SLC49A3: variants seen among roughly 807,000 people sequenced by gnomAD.
The protein encoded by SLC49A3 is solute carrier family 49 member A3.
A neutral mutation model predicts 43.8 loss-of-function variants in SLC49A3; 50 were observed. That is an observed-to-expected ratio of 1.14 (90% CI 0.91 to 1.45). The LOEUF is 1.45. SLC49A3 is among the 40% of genes most tolerant of loss of function. The pLI is 0.00. For synonymous variants in SLC49A3, 413 were observed against 352.0 expected, an observed-to-expected ratio of 1.17 and a Z score of -1.94; for missense variants, 906 against 774.1, an observed-to-expected ratio of 1.17 and a Z score of -2.02.
rs751534940 is a variant in SLC49A3, at chr4:686,619, G to A, written c.207C>T (p.Asn69=). The A allele has an allele frequency of 6.2e-7, 1 of 1,613,392 alleles. No homozygotes were observed. The highest frequency in any genetic ancestry group is 1.1e-5 in the South Asian group (1 of 91,086). ...CCACGAGGTAGACCAGTGACAGCCA[G>A]TTGATCTGCTCCATGGACAGGACCA... ...EDLVLSMEQI[N]WLSLVYLVVS... The change falls in exon 2 of 10, where the codon AAC becomes AAT. Residue 69 remains asparagine (N), a synonymous_variant. Coordinates refer to ENST00000322224, the MANE Select transcript of SLC49A3 (RefSeq NM_032219.4).
chr4:680,906 C>T (rs1291329608), downstream of SLC49A3: 2 of 694,450 alleles, frequency 2.9e-6, no homozygotes, highest in Non-Finnish European at 4.8e-6. Context: ...CCATCAGCGG[C>T]TCCCCCAGAA....
chr4:677,740 G>A (rs2109325789), downstream of SLC49A3, among the ~76,000 whole-genome samples: 1 of 152,282 alleles, frequency 6.6e-6, no homozygotes, highest in South Asian at 2.1e-4. Flanking sequence ...ATCCTTGGGA[G>A]AACAAAGCCT....
chr4:685,450 A>G lies in SLC49A3; in HGVS notation c.585+385T>C, dbSNP rs957374979. Among the ~76,000 whole-genome samples the G allele has an allele frequency of 6.6e-6, 1 of 151,972 alleles. No individual in the cohort carries two copies. Among genetic ancestry groups the G allele is most frequent in the Admixed American group, 6.6e-5 (1 of 15,250 alleles). The stretch of plus-strand genomic sequence containing the variant: ...CGCGGTGGCTCACGCCTGTCATCCT[A>G]GCACTTTGGGAAGCCGAGGCAGACG... On this transcript the variant is annotated intron_variant, in intron 4 of 9. Transcript: ENST00000322224. This position sits in a 1 kb window ranked among gnomAD's most constrained non-coding sequence, Gnocchi z 4.3.
At chr4:678,625 C>G, downstream of SLC49A3, 2 of 1,582,282 alleles carry the variant, frequency 1.3e-6, no homozygotes, top group Non-Finnish European at 1.7e-6. Context: ...GTCAGCCAGC[C>G]CAGGACCCTC....
downstream of SLC49A3, chr4:678,388 G>T (rs28655411): frequency 1.4e-6 from 2 of 1,412,828 alleles, no homozygotes; most frequent in Admixed American, 2.9e-5. Context: ...CCTGCTGGAC[G>T]GCGATCCCTG....
At chr4:678,243 C>G (rs1176731381), downstream of SLC49A3, 1 of 1,477,242 alleles carries the variant, frequency 6.8e-7, no homozygotes, top group Non-Finnish European at 9.0e-7. Context: ...GTGGGAAGTA[C>G]GTGCCTCACG....
At position 683,709 on chromosome 4, in the gene SLC49A3, G is replaced by C; in HGVS notation, c.893C>G (p.Ala298Gly). Residue 298 changes from alanine to glycine, a missense_variant, in exon 7 of 10, where the codon GCA becomes GGA. Physicochemically the swap from Ala to Gly is moderately conservative, Grantham distance 60. Transcript: ENST00000322224. ...ALFITFGILG[A>G]LALGPYVDRT... is the part of the protein sequence containing the mutation. Reference sequence around the variant, plus strand: ...GTCCACATAGGGGCCGAGAGCCAGTGCCCCCAGGATCCCAAACGTGATGAA... The same window carrying C: ...GTCCACATAGGGGCCGAGAGCCAGTCCCCCCAGGATCCCAAACGTGATGAA... 6.3e-7 allele frequency: 1 copy of C among 1,596,534 alleles called. No homozygotes were observed. Among genetic ancestry groups the C allele is most frequent in the South Asian group, 1.1e-5 (1 of 88,752 alleles).
downstream of SLC49A3, chr4:679,002 G>A: frequency 1.2e-6 from 2 of 1,613,814 alleles, no homozygotes; most frequent in African/African-American, 2.7e-5. Context: ...TCATTGACAA[G>A]GAGGACCTGA....
At chr4:683,030 C>G (rs1481966001) in intron 8 of SLC49A3, 140 bp from the exon 9 acceptor site, 15 of 1,106,018 alleles carry the variant, frequency 1.4e-5, no homozygotes, top group Non-Finnish European at 1.8e-5. Flanking sequence ...GTCATGGGCC[C>G]TATCAGCCGG....
Position 686,127 on chromosome 4 carries a change from TCTGGGAACCACAAGGCAGCCAG to T in SLC49A3, c.448_469del (p.Leu150SerfsTer38). The T allele has an allele frequency of 3.1e-6, 5 of 1,613,146 alleles. No homozygotes were observed. The highest frequency in any genetic ancestry group is 4.2e-6 in the Non-Finnish European group (5 of 1,179,962). Reference sequence around the variant, plus strand: ...CATGTTGGCCGTGGCTCGCTGGTGCTCTGGGAACCACAAGGCAGCCAGCTTGGCTGGAGAGAAGATGACCAGG... The same window carrying T: ...CATGTTGGCCGTGGCTCGCTGGTGCTCTTGGCTGGAGAGAAGATGACCAGG... On this transcript the variant is annotated frameshift_variant, in exon 3 of 10. Transcript: ENST00000322224. LOFTEE classifies it high-confidence loss of function.
chr4:688,395 C>T (rs942942720), intron 1 of SLC49A3, among the ~76,000 whole-genome samples: 3 of 152,160 alleles, frequency 2.0e-5, no homozygotes, highest in African/African-American at 7.2e-5. Context: ...CGTGACCTGG[C>T]GCCTCCCTGA....
chr4:684,748 A>G lies in SLC49A3; in HGVS notation c.694T>C (p.Ser232Pro). ...PPSAGAASST[S>P]EKFLDGLKLL... ...TTGAGCCCATCCAGGAACTTCTCTG[A>G]GGTGGAGCTGGCAGCCCCGGCAGAG... Residue 232 changes from serine to proline, a missense_variant, in exon 5 of 10, where the codon TCA becomes CCA. By Grantham distance (74) the Ser-to-Pro change is moderately conservative. Coordinates refer to ENST00000322224, the MANE Select transcript of SLC49A3 (RefSeq NM_032219.4). 6.2e-7 allele frequency: 1 copy of G among 1,611,838 alleles called. No homozygotes were observed. Among genetic ancestry groups the G allele is most frequent in the Non-Finnish European group, 8.5e-7 (1 of 1,179,660 alleles).
chr4:680,120 G>T, downstream of SLC49A3: 1 of 1,159,758 alleles, frequency 8.6e-7, no homozygotes, highest in Non-Finnish European at 1.2e-6. Flanking sequence ...CTCTGGAGAA[G>T]CCCTAGGGCC....
chr4:678,958 G>T, downstream of SLC49A3: 4 of 1,613,780 alleles, frequency 2.5e-6, no homozygotes, highest in Non-Finnish European at 3.4e-6. Context: ...TGGTCCCCAG[G>T]CATTCACACT....
chr4:678,247 C>T (rs1739055375), downstream of SLC49A3: 20 of 1,475,698 alleles, frequency 1.4e-5, no homozygotes, highest in Non-Finnish European at 1.8e-5. Context: ...GAAGTACGTG[C>T]CTCACGTTGC....
At chr4:679,157 G>C (rs979586871), downstream of SLC49A3, 1 of 670,490 alleles carries the variant, frequency 1.5e-6, no homozygotes, top group African/African-American at 4.0e-5. Context: ...GCCCACCAAC[G>C]GCCCTGAAGC....
chr4:682,729 C>T, intron 9 of SLC49A3, 52 bp downstream of exon 9: 2 of 1,404,652 alleles, frequency 1.4e-6, no homozygotes, highest in Non-Finnish European at 9.7e-7. Flanking sequence ...AGGGAATCTT[C>T]ACATGGGGCT....
At chr4:678,181 AGCGTGTGTATGT>A (rs1237530173), downstream of SLC49A3, 9 of 1,536,012 alleles carry the variant, frequency 5.9e-6, no homozygotes, top group Admixed American at 9.9e-5. Context: ...TGTGTGCATG[AGCGTGTGTATGT>A]GCGTGTGTGT....
downstream of SLC49A3, chr4:680,457 G>T (rs1739345926): frequency 1.9e-6 from 3 of 1,584,546 alleles, no homozygotes; most frequent in South Asian, 3.3e-5. Flanking sequence ...GCCCTTGGCA[G>T]CCACGGGACT....
Sources: gnomAD v4.1 joint callset for allele counts (sites outside exome capture counted in the v4.1 genomes callset) on GRCh38, gnomAD v4.1.1 for gene constraint, Gnocchi (gnomAD v3.1) non-coding constraint, MANE v1.5 for transcripts, NCBI Gene and HGNC (gene_info 2026-07-23, HGNC 2026-07-21) for gene names.